Variants in TTLL4 observed in about 807,000 individuals in gnomAD.
TTLL4 encodes tubulin monoglutamylase TTLL4.
A neutral mutation model predicts 122.7 loss-of-function variants in TTLL4; 85 were observed. That is an observed-to-expected ratio of 0.69 (90% CI 0.58 to 0.83). TTLL4 has a LOEUF of 0.83. Among genes scored for constraint, TTLL4 ranks in the 40% least tolerant of loss-of-function variants. The probability of loss-of-function intolerance (pLI) is 0.00; values close to 1 mark genes in which losing one functional copy is unlikely to be tolerated. For missense variants in TTLL4, 1,363 were observed against 1,488.6 expected, an observed-to-expected ratio of 0.92 and a Z score of 1.39; for synonymous variants, 553 against 563.0, an observed-to-expected ratio of 0.98 and a Z score of 0.25.
chr2:218,724,098 T>C (rs1289954655), intron 1 of TTLL4, among the ~76,000 whole-genome samples: 1 of 152,150 alleles, frequency 6.6e-6, no homozygotes, highest in Non-Finnish European at 1.5e-5. Context: ...CACAGAGATA[T>C]ATGTGAGAGA....
At chr2:218,745,995 A>G (rs142558929) in intron 7 of TTLL4, 160 bp from the exon 8 acceptor site, 2 of 909,424 alleles carry the variant, frequency 2.2e-6, no homozygotes, top group Admixed American at 1.9e-5. Context: ...ACAGAGGGCC[A>G]TTGTTCTGTC....
intron 13 of TTLL4, 60 bp from the exon 14 acceptor site, chr2:218,749,193 G>A: frequency 6.3e-7 from 1 of 1,599,172 alleles, no homozygotes; most frequent in Non-Finnish European, 8.5e-7. Context: ...TGGCAGGATA[G>A]CTCTGAGTAG....
intron 1 of TTLL4, among the ~76,000 whole-genome samples, chr2:218,725,080 T>C (rs895112009): frequency 2.0e-5 from 3 of 151,948 alleles, no homozygotes; most frequent in Non-Finnish European, 2.9e-5. Flanking sequence ...TTATTTTTTA[T>C]TATTATTTGT....
intron 1 of TTLL4, among the ~76,000 whole-genome samples, chr2:218,722,501 G>A (rs1308238765): frequency 6.6e-6 from 1 of 152,062 alleles, no homozygotes. Context: ...GACAAGGAAG[G>A]CCTTTTTAGT....
chr2:218,714,988 G>T (rs1241306250), intron 1 of TTLL4, among the ~76,000 whole-genome samples: 1 of 152,048 alleles, frequency 6.6e-6, no homozygotes, highest in Non-Finnish European at 1.5e-5. Context: ...TTTTACGTAT[G>T]TTACAATTTA....
intron 5 of TTLL4, among the ~76,000 whole-genome samples, chr2:218,742,970 A>C (rs1286725878): frequency 1.3e-5 from 2 of 151,992 alleles, no homozygotes; most frequent in Non-Finnish European, 2.9e-5. Context: ...CTAAAATACA[A>C]CATATTTTAC....
Position 218,748,224 on chromosome 2 carries a change from A to G in TTLL4, c.2498A>G (p.Lys833Arg). The G allele has an allele frequency of 6.2e-7, 1 of 1,614,102 alleles. No homozygotes were observed. The highest frequency in any genetic ancestry group is 8.5e-7 in the Non-Finnish European group (1 of 1,179,988). Residue 833 changes from lysine (K) to arginine (R), a missense_variant, in exon 12 of 20, where the codon AAA becomes AGA. Lys to Arg is a conservative substitution (Grantham distance 26). This residue lies in a region of TTLL4 where 596 missense variants were observed against 655.8 expected (regional missense o/e 0.91). Transcript: ENST00000392102. Reference protein sequence around the residue: ...NADEMACQGHKWALKALWNYL... With the variant: ...NADEMACQGHRWALKALWNYL... ...GATGAAATGGCTTGCCAGGGCCACA[A>G]ATGGTACTGAGGGCAGAGTGTCCCA...
chr2:218,749,065 T>A, intron 13 of TTLL4, 131 bp downstream of exon 13: 1 of 1,241,212 alleles, frequency 8.1e-7, no homozygotes, highest in Non-Finnish European at 1.1e-6. Flanking sequence ...TAGGAAGGAG[T>A]GGCCAGAGTT....
chr2:218,758,912 G>A (rs574485506), downstream of TTLL4, among the ~76,000 whole-genome samples: 1 of 152,332 alleles, frequency 6.6e-6, no homozygotes, highest in East Asian at 1.9e-4. Flanking sequence ...TTAACAAATT[G>A]TGATATCTCT....
Position 218,752,869 on chromosome 2 carries a change from C to T in TTLL4, c.3083C>T (p.Pro1028Leu), listed in dbSNP as rs142846980. 13 of 1,614,086 alleles carry T rather than the reference C, an allele frequency of 8.1e-6. No individual in the cohort carries two copies. The highest frequency in any genetic ancestry group is 1.1e-5 in the Non-Finnish European group (13 of 1,180,020). The change falls in exon 17 of 20, where the codon CCT (proline) becomes CTT (leucine). Residue 1028 changes from proline (P) to leucine (L), a missense_variant. By Grantham distance (98) the Pro-to-Leu change is moderately conservative (BLOSUM62 -3). This residue lies in a region of TTLL4 where 596 missense variants were observed against 655.8 expected (regional missense o/e 0.91). Transcript: ENST00000392102. Reference protein sequence around the residue: ...SRRGQFERIFPSHISSRYLRF... With the variant: ...SRRGQFERIFLSHISSRYLRF... ...CGTGGTCAGTTTGAACGAATTTTTC[C>T]TTCTCATATCTCCTCTCGCTATCTC...
In TTLL4 at chr2:218,745,210, A is replaced by G. The variant is rs574453999; in HGVS notation, c.1763A>G (p.Tyr588Cys). The change falls in exon 6 of 20, where the codon TAT becomes TGT. Residue 588 changes from tyrosine (Y) to cysteine (C), a missense_variant. Around this residue, in one of 3 missense-constraint regions of TTLL4, gnomAD observed 760 missense variants for 808.4 expected, o/e 0.94. Transcript: ENST00000392102. ...TTTCCCAACGTTCCCCCTACCATCT[A>G]TTTTGGCACTCGGGATGAGAGAGGT... Reference protein sequence around the residue: ...SLFPNVPPTIYFGTRDERVEK... With the variant: ...SLFPNVPPTICFGTRDERVEK... 2.7e-5 allele frequency: 44 copies of G among 1,613,898 alleles called. No individual in the cohort carries two copies. Among genetic ancestry groups the G allele is most frequent in the African/African-American group, 9.3e-5 (7 of 74,972 alleles).
rs1003485595 is a variant in TTLL4 at position 218,754,751 on chromosome 2, G to C, written c.*362G>C. ...GTGTGGTTGCTGAGTTGTAGCTCAA[G>C]AGGAGAAAACATACAGAACATATTT... On this transcript the variant is annotated 3_prime_UTR_variant, in exon 20 of 20. Transcript: ENST00000392102. The C allele has an allele frequency of 3.4e-6, 1 of 293,632 alleles. No homozygotes were observed. The highest frequency in any genetic ancestry group is 2.1e-5 in the African/African-American group (1 of 46,614). 18.2% of individuals were successfully genotyped at this position (293,632 alleles called of 1,614,324 possible).
At position 218,750,036 on chromosome 2, in the gene TTLL4, CAGCAT is replaced by C; in HGVS notation, c.2764_2768del (p.Ser922GlnfsTer7). ...TCCACTCCAGCTCTCCACTGGATAT[CAGCAT>C]CAAAGGCCAGATGATTCGTGACCTT... On this transcript the variant is annotated frameshift_variant, in exon 15 of 20. Transcript: ENST00000392102. LOFTEE classifies it high-confidence loss of function. The C allele has an allele frequency of 3.1e-6, 5 of 1,614,086 alleles. No individual in the cohort carries two copies. Among genetic ancestry groups the C allele is most frequent in the Non-Finnish European group, 4.2e-6 (5 of 1,179,980 alleles).
chr2:218,712,057 T>TGA (rs1941725644), intron 1 of TTLL4, among the ~76,000 whole-genome samples: 1 of 151,948 alleles, frequency 6.6e-6, no homozygotes, highest in African/African-American at 2.4e-5. Flanking sequence ...CCTTGAAAAA[T>TGA]TATCAAGTGT....
intron 12 of TTLL4, chr2:218,748,567 A>ATC (rs1218463036): frequency 4.6e-6 from 2 of 438,980 alleles, no homozygotes; most frequent in Non-Finnish European, 4.1e-6. Context: ...AGGCAGGAGA[A>ATC]TCACTTGAAC....
chr2:218,724,853 T>C (rs1288911197), intron 1 of TTLL4, among the ~76,000 whole-genome samples: 1 of 152,160 alleles, frequency 6.6e-6, no homozygotes, highest in African/African-American at 2.4e-5. Context: ...TGGTTATCTG[T>C]GGTTATTGTG....
Position 218,747,378 on chromosome 2 carries a change from C to A in TTLL4, c.2249+6C>A, listed in dbSNP as rs1409333155. On this transcript the variant is annotated splice_donor_region_variant and intron_variant, in intron 10 of 19. Coordinates refer to ENST00000392102, the MANE Select transcript of TTLL4 (RefSeq NM_014640.5). This position sits in a 1 kb window ranked among gnomAD's most constrained non-coding sequence, Gnocchi z 4.7. ...AGGCCCCTCCTGGTACAGAGGTGAG[C>A]CTGTAGCACATATCCCTTACCCCAT... 1 of 1,613,816 alleles carries A rather than the reference C, an allele frequency of 6.2e-7. No homozygotes were observed. Among genetic ancestry groups the A allele is most frequent in the Non-Finnish European group, 8.5e-7 (1 of 1,179,878 alleles).
chr2:218,743,920 C>G (rs1450070842), intron 5 of TTLL4, among the ~76,000 whole-genome samples: 2 of 152,196 alleles, frequency 1.3e-5, no homozygotes, highest in Non-Finnish European at 2.9e-5. Context: ...CTCGGGTGAT[C>G]CGCCTGCCTC....
chr2:218,713,939 A>G (rs1941785500), intron 1 of TTLL4, among the ~76,000 whole-genome samples: 1 of 152,232 alleles, frequency 6.6e-6, no homozygotes, highest in Non-Finnish European at 1.5e-5. Flanking sequence ...GGAGCAGTGT[A>G]GAATGATTGT....
Sources: gnomAD v4.1 joint callset for allele counts (sites outside exome capture counted in the v4.1 genomes callset) on GRCh38, gnomAD v4.1.1 for gene constraint, gnomAD v4.1.1 regional missense constraint, Gnocchi (gnomAD v3.1) non-coding constraint, MANE v1.5 for transcripts, NCBI Gene and HGNC (gene_info 2026-07-23, HGNC 2026-07-21) for gene names.